The following XPR1 variants were observed in gnomAD, a reference collection of about 807,000 sequenced individuals.
XPR1 encodes xenotropic and polytropic retrovirus receptor 1.
A neutral mutation model predicts 87.5 loss-of-function variants in XPR1; 28 were observed. The observed-to-expected ratio is 0.32, with a 90% CI of 0.24 to 0.44. The LOEUF (loss-of-function observed/expected upper bound fraction) is 0.44, where lower values mean the gene tolerates loss of function less well. Ranked by LOEUF, XPR1 falls within the 20% of genes least tolerant of loss-of-function variation. The pLI, the probability that XPR1 is intolerant of heterozygous loss-of-function variation, is 1.00. For missense variants in XPR1, 559 were observed against 862.3 expected, an observed-to-expected ratio of 0.65 and a Z score of 4.41; for synonymous variants, 300 against 306.1, an observed-to-expected ratio of 0.98 and a Z score of 0.21.
At chr1:180,872,911 T>C (rs1194254215) in intron 12 of XPR1, among the ~76,000 whole-genome samples, 3 of 152,050 alleles carry the variant, frequency 2.0e-5, no homozygotes, top group African/African-American at 4.8e-5. Flanking sequence ...CTACAAATTT[T>C]GAAAATGTTC....
chr1:180,880,284 C>T lies in XPR1; in HGVS notation c.2017C>T (p.Arg673Cys), dbSNP rs755111693. 5 of 1,614,070 alleles carry T rather than the reference C, an allele frequency of 3.1e-6. No homozygotes were observed. The highest frequency in any genetic ancestry group is 2.7e-5 in the African/African-American group (2 of 74,926). ...CCAGAGCATATCCCTGCGCCGGCCTCGCCTCGCTTCTCAGTATGTATGGCT... is the reference window on the plus strand; with the variant it reads ...CCAGAGCATATCCCTGCGCCGGCCTTGCCTCGCTTCTCAGTATGTATGGCT... Reference protein sequence around the residue: ...YNQSISLRRPRLASQSKARDT... With the variant: ...YNQSISLRRPCLASQSKARDT... Residue 673 changes from arginine to cysteine, a missense_variant, in exon 14 of 15, where the codon CGC becomes TGC. By Grantham distance (180) the Arg-to-Cys change is radical. This residue lies in a region of XPR1 where 80 missense variants were observed against 99.5 expected (regional missense o/e 0.80). Transcript: ENST00000367590.
intron 2 of XPR1, among the ~76,000 whole-genome samples, chr1:180,686,933 A>C (rs1456591333): frequency 6.6e-6 from 1 of 152,278 alleles, no homozygotes; most frequent in Non-Finnish European, 1.5e-5. Context: ...TAAGTCAGGA[A>C]TTGGCATTTA....
intron 9 of XPR1, among the ~76,000 whole-genome samples, chr1:180,828,088 G>C (rs1218518676): frequency 1.3e-5 from 2 of 151,844 alleles, no homozygotes; most frequent in Non-Finnish European, 2.9e-5. Flanking sequence ...ATGTTGCCCA[G>C]CTGGTCTCGA....
chr1:180,759,700 G>T lies in XPR1; in HGVS notation c.122-28053G>T, dbSNP rs548317633. Among the ~76,000 whole-genome samples the T allele has an allele frequency of 1.9e-3, 295 of 152,306 alleles. 1 individual carries two copies. The highest frequency in any genetic ancestry group is 6.0e-3 in the African/African-American group (251 of 41,566). ...CTACCAGAGGTACAAGGAGGAGCTG[G>T]TACCATTCCTTCTGAAACTATTCCA... is the stretch of plus-strand genomic sequence containing the variant. On this transcript the variant is annotated intron_variant, in intron 2 of 14. Transcript: ENST00000367590.
chr1:180,781,275 T>A (rs771340749), intron 2 of XPR1, among the ~76,000 whole-genome samples: 1 of 151,904 alleles, frequency 6.6e-6, no homozygotes, highest in Non-Finnish European at 1.5e-5. Flanking sequence ...GTACCAGACA[T>A]TATGTTGGGT....
intron 13 of XPR1, among the ~76,000 whole-genome samples, chr1:180,877,358 A>G (rs1447918507): frequency 2.6e-5 from 4 of 152,244 alleles, no homozygotes; most frequent in Non-Finnish European, 5.9e-5. Flanking sequence ...AATAGGGAGT[A>G]CAGAAAGAAA....
chr1:180,839,913 G>A (rs945651118), intron 11 of XPR1, among the ~76,000 whole-genome samples: 7 of 152,290 alleles, frequency 4.6e-5, no homozygotes, highest in Admixed American at 2.0e-4. Flanking sequence ...ATTGATAAGC[G>A]TCATCTCTGG....
chr1:180,671,614 T>C (rs1231883166), intron 1 of XPR1, among the ~76,000 whole-genome samples: 1 of 152,080 alleles, frequency 6.6e-6, no homozygotes, highest in Non-Finnish European at 1.5e-5. Flanking sequence ...AGCCCCCACC[T>C]CCTGGGTTCA....
intron 7 of XPR1, among the ~76,000 whole-genome samples, chr1:180,813,109 A>G (rs1295864270): frequency 2.7e-5 from 4 of 150,432 alleles, no homozygotes; most frequent in Non-Finnish European, 4.4e-5. Context: ...TACTCTTAAA[A>G]TAAAATCCAA....
chr1:180,812,567 T>C (rs765809626), intron 7 of XPR1, among the ~76,000 whole-genome samples: 21 of 152,326 alleles, frequency 1.4e-4, no homozygotes, highest in Non-Finnish European at 2.8e-4. Context: ...GCAAATCTTA[T>C]TGGTCTGTCT....
At chr1:180,650,728 C>G (rs889261008) in intron 1 of XPR1, among the ~76,000 whole-genome samples, 3 of 152,082 alleles carry the variant, frequency 2.0e-5, no homozygotes, top group African/African-American at 4.8e-5. Context: ...GAGAAAGTAG[C>G]TGAAATTAAA....
intron 13 of XPR1, among the ~76,000 whole-genome samples, chr1:180,876,008 A>G (rs1558048161): frequency 6.6e-6 from 1 of 152,176 alleles, no homozygotes; most frequent in Admixed American, 6.5e-5. Flanking sequence ...GAAAATCTGT[A>G]TTAAAGAAAT....
intron 9 of XPR1, among the ~76,000 whole-genome samples, chr1:180,827,153 CAAA>C (rs11324246): frequency 1.2e-4 from 8 of 66,896 alleles, no homozygotes; most frequent in Admixed American, 3.4e-4. Context: ...GACTCCTTCT[CAAA>C]AAAAAAAAAA....
rs115171937 is a variant in XPR1, at chr1:180,682,660, A to C, written c.121+249A>C. ...CACCTTAGGACTGTGAATCGTATATATTGGTTTAGTCAGAAGTTTTTCTGT... is the reference window on the plus strand; with the variant it reads ...CACCTTAGGACTGTGAATCGTATATCTTGGTTTAGTCAGAAGTTTTTCTGT... On this transcript the variant is annotated intron_variant, in intron 2 of 14. Coordinates refer to ENST00000367590, the MANE Select transcript of XPR1 (RefSeq NM_004736.4). 4.6e-3 allele frequency among the ~76,000 whole-genome samples: 697 copies of C among 151,800 alleles called. 12 individuals carry two copies. The highest frequency in any genetic ancestry group is 0.016 in the African/African-American group (674 of 41,396).
chr1:180,881,159 G>A (rs1253153754), intron 14 of XPR1, among the ~76,000 whole-genome samples: 1 of 152,000 alleles, frequency 6.6e-6, no homozygotes, highest in Admixed American at 6.6e-5. Context: ...GCAGGAATGA[G>A]TCACAGATAA....
At chr1:180,825,584 T>C (rs921400384) in intron 9 of XPR1, among the ~76,000 whole-genome samples, 3 of 152,204 alleles carry the variant, frequency 2.0e-5, no homozygotes, top group African/African-American at 7.2e-5. Flanking sequence ...TTCGTTTAAC[T>C]AGCTGTGATA....
Position 180,884,185 on chromosome 1 carries a change from C to A in XPR1, c.*119C>A. 1.3e-6 allele frequency: 1 copy of A among 744,202 alleles called. No homozygotes were observed. Among genetic ancestry groups the A allele is most frequent in the South Asian group, 2.4e-5 (1 of 42,390 alleles). 46.1% of individuals were successfully genotyped at this position (744,202 alleles called of 1,614,324 possible). A position where few individuals can be genotyped will look rare whatever the true frequency, so the allele number is the denominator to read the frequency against. On this transcript the variant is annotated 3_prime_UTR_variant, in exon 15 of 15. Coordinates refer to ENST00000367590, the MANE Select transcript of XPR1 (RefSeq NM_004736.4). ...AGGAGAAAACACATAACACATTTTC[C>A]GAGCTCTTCCGGATCGGATCCTATG...
intron 1 of XPR1, among the ~76,000 whole-genome samples, chr1:180,666,957 C>A (rs1228042591): frequency 6.6e-6 from 1 of 151,974 alleles, no homozygotes; most frequent in Non-Finnish European, 1.5e-5. Context: ...ACTCTGTCAC[C>A]CAGGCTGGAG....
chr1:180,669,232 G>A (rs1484032856), intron 1 of XPR1, among the ~76,000 whole-genome samples: 1 of 152,028 alleles, frequency 6.6e-6, no homozygotes, highest in Non-Finnish European at 1.5e-5. Flanking sequence ...CTGCTGTCTG[G>A]TTATTTTATC....
Sources: allele counts gnomAD v4.1 joint callset (sites outside exome capture counted in the v4.1 genomes callset), GRCh38; gene constraint gnomAD v4.1.1; regional missense constraint gnomAD v4.1.1; transcripts MANE v1.5; gene names NCBI Gene and HGNC (gene_info 2026-07-23, HGNC 2026-07-21).